UNC13C: variants seen among roughly 807,000 people sequenced by gnomAD.
UNC13C encodes protein unc-13 homolog C.
In UNC13C, 174 loss-of-function variants were observed where a neutral mutation model predicts 245.4. The observed-to-expected ratio is 0.71, with a 90% CI of 0.63 to 0.80. UNC13C has a LOEUF of 0.80. UNC13C is among the 30% of genes least tolerant of loss of function. UNC13C has a pLI of 0.00. For synonymous variants in UNC13C, 992 were observed against 895.1 expected (o/e 1.11, Z -1.93); for missense variants, 2,829 against 2,602.9 (o/e 1.09, Z -1.89).
At chr15:53,976,475 C>CTTTTTTTTTTTTTTTTTTTTTTTTT (rs879775519), upstream of UNC13C, among the ~76,000 whole-genome samples, 1 of 63,734 alleles carries the variant, frequency 1.6e-5, no homozygotes, top group Non-Finnish European at 3.1e-5. Context: ...CTCTCTCTCT[C>CTTTTTTTTTTTTTTTTTTTTTTTTT]TCTTTTTTTT....
In UNC13C at chr15:54,026,155, T is replaced by C. The variant is rs181198703; in HGVS notation, c.2983+10269T>C. On this transcript the variant is annotated intron_variant, in intron 2 of 32. Coordinates refer to ENST00000260323, the MANE Select transcript of UNC13C (RefSeq NM_001080534.3). ...TTCTCGAGCTGATCAACATGCCCTT[T>C]GCATTTTCTAGAAACAAAATGCAAA... is the stretch of plus-strand genomic sequence containing the variant. 2.1e-3 allele frequency among the ~76,000 whole-genome samples: 318 copies of C among 152,336 alleles called. 1 individual carries two copies. The highest frequency in any genetic ancestry group is 2.1e-3 in the Non-Finnish European group (146 of 68,028).
chr15:54,481,864 T>G (rs1893138110), intron 19 of UNC13C, among the ~76,000 whole-genome samples: 1 of 152,042 alleles, frequency 6.6e-6, no homozygotes, highest in Non-Finnish European at 1.5e-5. Context: ...ATGACCTGTG[T>G]GGGTATAGGC....
chr15:54,388,331 G>A (rs146338842), intron 17 of UNC13C, among the ~76,000 whole-genome samples: 2 of 152,058 alleles, frequency 1.3e-5, no homozygotes, highest in African/African-American at 4.8e-5. Context: ...TGGCTTTTAG[G>A]CTTCAACATT....
At chr15:54,361,766 G>A (rs2140865270) in intron 17 of UNC13C, among the ~76,000 whole-genome samples, 1 of 152,348 alleles carries the variant, frequency 6.6e-6, no homozygotes, top group South Asian at 2.1e-4. Context: ...CCTGGTTTGA[G>A]TAAGACTTAC....
chr15:53,985,626 T>A (rs74016049), intron 1 of UNC13C, among the ~76,000 whole-genome samples: 6,396 of 152,062 alleles, frequency 0.042, 306 homozygotes, highest in East Asian at 0.19. Flanking sequence ...CTAGTGTACA[T>A]GTAGCTCATG....
chr15:54,305,707 T>C (rs2037708133), intron 13 of UNC13C, among the ~76,000 whole-genome samples: 1 of 151,992 alleles, frequency 6.6e-6, no homozygotes, highest in South Asian at 2.1e-4. Flanking sequence ...GTACTTCCTC[T>C]TAATTCTTAA....
the UNC13C span, among the ~76,000 whole-genome samples, chr15:53,962,442 T>C: frequency 2.0e-5 from 3 of 152,196 alleles, no homozygotes; most frequent in African/African-American, 7.2e-5. Context: ...TCAAGTATAT[T>C]ATTTGAAATT....
At chr15:54,421,092 T>G (rs1328557710) in intron 19 of UNC13C, among the ~76,000 whole-genome samples, 1 of 152,008 alleles carries the variant, frequency 6.6e-6, no homozygotes, top group Non-Finnish European at 1.5e-5. Context: ...ACTTATTTGA[T>G]CCCCACAACA....
chr15:54,486,291 T>C (rs1313743039), intron 19 of UNC13C, among the ~76,000 whole-genome samples: 5 of 65,484 alleles, frequency 7.6e-5, no homozygotes, highest in Non-Finnish European at 1.7e-4. Flanking sequence ...ACACACACAA[T>C]ATCAGTGTGG....
At chr15:53,858,037 A>G in the UNC13C span, among the ~76,000 whole-genome samples, 5 of 152,368 alleles carry the variant, frequency 3.3e-5, no homozygotes, top group Admixed American at 3.3e-4. Flanking sequence ...AGAAAATGAC[A>G]AACATTGTTT....
intron 24 of UNC13C, among the ~76,000 whole-genome samples, chr15:54,514,567 G>C (rs560528381): frequency 7.2e-5 from 11 of 152,176 alleles, no homozygotes; most frequent in Non-Finnish European, 1.6e-4. Context: ...TTTATTAGCT[G>C]GCTTCTAACA....
intron 22 of UNC13C, among the ~76,000 whole-genome samples, chr15:54,504,621 AC>A (rs1366615248): frequency 6.6e-6 from 1 of 152,176 alleles, no homozygotes; most frequent in Non-Finnish European, 1.5e-5. Context: ...GAAATGGGAG[AC>A]CCTATCTTAT....
chr15:54,401,341 G>A (rs992040962), intron 18 of UNC13C, among the ~76,000 whole-genome samples: 1 of 152,058 alleles, frequency 6.6e-6, no homozygotes, highest in African/African-American at 2.4e-5. Flanking sequence ...AATTAATCAG[G>A]AGTCTGAAAG....
chr15:53,847,087 AAAC>A, the UNC13C span, among the ~76,000 whole-genome samples: 1 of 152,174 alleles, frequency 6.6e-6, no homozygotes, highest in Admixed American at 6.6e-5. Context: ...CAACAACAAA[AAAC>A]AACAAATGCT....
Position 54,023,167 on chromosome 15 carries a change from A to G in UNC13C, c.2983+7281A>G, listed in dbSNP as rs141137971. Among the ~76,000 whole-genome samples the G allele has an allele frequency of 1.7e-3, 258 of 152,320 alleles. 1 individual carries two copies. The highest frequency in any genetic ancestry group is 5.0e-3 in the African/African-American group (207 of 41,582). ...TTGGGAAGAAGGTACTGTTAGCCTC[A>G]TCTTACAAGTGAGATGACTGAGTCT... On this transcript the variant is annotated intron_variant, in intron 2 of 32. Transcript: ENST00000260323.
At chr15:54,276,335 T>C (rs976668235) in intron 10 of UNC13C, among the ~76,000 whole-genome samples, 5 of 152,114 alleles carry the variant, frequency 3.3e-5, no homozygotes, top group African/African-American at 1.2e-4. Flanking sequence ...GAAAAAACTC[T>C]GACAAAAAAT....
intron 2 of UNC13C, among the ~76,000 whole-genome samples, chr15:54,114,347 T>A (rs1198985789): frequency 1.3e-5 from 2 of 152,200 alleles, no homozygotes; most frequent in Non-Finnish European, 2.9e-5. Context: ...GCAATCACTA[T>A]AAAAAATTTA....
At position 54,449,275 on chromosome 15, in the gene UNC13C, G is replaced by A. The variant is rs563727714; in HGVS notation, c.4933+34208G>A. Among the ~76,000 whole-genome samples the A allele has an allele frequency of 9.2e-5, 14 of 152,262 alleles. No individual in the cohort carries two copies. In the South Asian group the frequency reaches 2.9e-3, roughly 32 times the overall value. On this transcript the variant is annotated intron_variant, in intron 19 of 32. Coordinates refer to ENST00000260323, the MANE Select transcript of UNC13C (RefSeq NM_001080534.3). ...GTCTTGGAGTTGCTCTTCTCAAGGA[G>A]TATCTTTGTAGCCTTCTCTGTACTT...
intron 30 of UNC13C, among the ~76,000 whole-genome samples, chr15:54,606,576 A>C (rs1490256749): frequency 4.6e-5 from 7 of 152,230 alleles, no homozygotes; most frequent in Non-Finnish European, 7.3e-5. Flanking sequence ...TAGAGATGTT[A>C]ACCACCAGTG....
Sources: gnomAD v4.1 joint callset for allele counts (sites outside exome capture counted in the v4.1 genomes callset) on GRCh38, gnomAD v4.1.1 for gene constraint, MANE v1.5 for transcripts, NCBI Gene and HGNC (gene_info 2026-07-23, HGNC 2026-07-21) for gene names.